Variants in SV2C observed in about 807,000 individuals in gnomAD.
The protein encoded by SV2C is solute carrier family 22 member B3.
Under a neutral mutation model 79.7 loss-of-function variants are expected in SV2C, and 49 were observed. The observed-to-expected ratio is 0.61, with a 90% CI of 0.49 to 0.78. SV2C has a LOEUF of 0.78. Ranked by LOEUF, SV2C falls within the 30% of genes least tolerant of loss-of-function variation. The probability of loss-of-function intolerance (pLI) is 0.00; values close to 1 mark genes in which losing one functional copy is unlikely to be tolerated. For missense variants in SV2C, 833 were observed against 912.9 expected (o/e 0.91, Z 1.13); for synonymous variants, 334 against 333.2 (o/e 1.00, Z -0.03).
chr5:75,984,883 T>A, the SV2C span, among the ~76,000 whole-genome samples: 4 of 152,040 alleles, frequency 2.6e-5, no homozygotes, highest in African/African-American at 9.7e-5. Context: ...CCTAAAATAA[T>A]CTCCTTTGCT....
chr5:76,131,813 G>C lies in SV2C; in HGVS notation c.63G>C (p.Glu21Asp), dbSNP rs202024052. 6.2e-7 allele frequency: 1 copy of C among 1,614,012 alleles called. No homozygotes were observed. The highest frequency in any genetic ancestry group is 8.5e-7 in the Non-Finnish European group (1 of 1,180,002). ...LMKGAKDIAR[E>D]VKKQTVKKVN... The stretch of plus-strand genomic sequence containing the variant: ...AGGGTGCCAAGGACATTGCCAGAGA[G>C]GTGAAGAAACAAACAGTAAAGAAGG... The change falls in exon 2 of 13, where the codon GAG (glutamate) becomes GAC (aspartate). Residue 21 changes from glutamate to aspartate, a missense_variant. Glu to Asp is a conservative substitution (Grantham distance 45, BLOSUM62 2). Transcript: ENST00000502798.
intron 2 of SV2C, among the ~76,000 whole-genome samples, chr5:76,141,660 C>G (rs1482457501): frequency 6.6e-6 from 1 of 151,588 alleles, no homozygotes. Context: ...CCCATCTCTA[C>G]TAAAAATACA....
At chr5:75,965,418 G>A in the SV2C span, among the ~76,000 whole-genome samples, 1 of 152,194 alleles carries the variant, frequency 6.6e-6, no homozygotes, top group African/African-American at 2.4e-5. Context: ...GCGAGTCATT[G>A]TGAATAAGAT....
intron 12 of SV2C, among the ~76,000 whole-genome samples, chr5:76,347,540 G>T (rs1002857494): frequency 2.6e-5 from 4 of 152,122 alleles, no homozygotes; most frequent in Admixed American, 1.3e-4. Context: ...CACTTCCCAG[G>T]TTCAAGCAAT....
chr5:75,878,020 T>C, the SV2C span, among the ~76,000 whole-genome samples: 1 of 152,050 alleles, frequency 6.6e-6, no homozygotes, highest in Non-Finnish European at 1.5e-5. Flanking sequence ...AACACATCTG[T>C]AAATATAACA....
At chr5:76,277,257 C>G (rs1340502776) in intron 4 of SV2C, among the ~76,000 whole-genome samples, 1 of 152,094 alleles carries the variant, frequency 6.6e-6, no homozygotes, top group Non-Finnish European at 1.5e-5. Context: ...ACATATTTAC[C>G]CAAGGAAATT....
chr5:75,997,887 C>A, the SV2C span, among the ~76,000 whole-genome samples: 2 of 152,072 alleles, frequency 1.3e-5, no homozygotes, highest in African/African-American at 4.8e-5. Flanking sequence ...AAGGCACATA[C>A]ACACGTATGT....
intron 5 of SV2C, 69 bp downstream of exon 5, chr5:76,285,364 G>A (rs907564409): frequency 1.3e-6 from 2 of 1,587,066 alleles, no homozygotes; most frequent in Admixed American, 3.5e-5. Flanking sequence ...TTAATTCTAG[G>A]AAAGCACATT....
At chr5:75,879,699 T>C in the SV2C span, among the ~76,000 whole-genome samples, 1 of 152,156 alleles carries the variant, frequency 6.6e-6, no homozygotes, top group Non-Finnish European at 1.5e-5. Context: ...AGTGGATCTA[T>C]CATTCTAGGT....
intron 12 of SV2C, among the ~76,000 whole-genome samples, chr5:76,346,948 C>CT (rs1210000940): frequency 6.6e-6 from 1 of 152,144 alleles, no homozygotes; most frequent in Non-Finnish European, 1.5e-5. Context: ...CACCGTGCAT[C>CT]TTTCTTAAAT....
At chr5:76,167,576 CTT>C (rs1490671216) in intron 2 of SV2C, among the ~76,000 whole-genome samples, 1 of 152,186 alleles carries the variant, frequency 6.6e-6, no homozygotes, top group African/African-American at 2.4e-5. Context: ...GTTCTAAGCA[CTT>C]TATAAGAGTT....
chr5:76,245,911 A>AGTGTGTGTGT (rs58481475), intron 4 of SV2C, among the ~76,000 whole-genome samples: 2 of 145,294 alleles, frequency 1.4e-5, no homozygotes, highest in African/African-American at 2.7e-5. Flanking sequence ...GAGGCAGGGG[A>AGTGTGTGTGT]GTGTGTGTGT....
At chr5:76,171,670 G>GC (rs1316966460) in intron 2 of SV2C, among the ~76,000 whole-genome samples, 9 of 128,486 alleles carry the variant, frequency 7.0e-5, no homozygotes, top group Admixed American at 1.6e-4. Flanking sequence ...TGGGGGGTCA[G>GC]CCCCCCCGCC....
chr5:76,299,620 G>A (rs140323510), intron 10 of SV2C, among the ~76,000 whole-genome samples: 27 of 152,318 alleles, frequency 1.8e-4, no homozygotes, highest in Middle Eastern at 3.4e-3. Flanking sequence ...GCATAACAGC[G>A]TGGCATTGGC....
At chr5:76,062,592 T>A in the SV2C span, among the ~76,000 whole-genome samples, 3 of 151,674 alleles carry the variant, frequency 2.0e-5, no homozygotes, top group Non-Finnish European at 1.5e-5. Flanking sequence ...GATGTTTACA[T>A]GAACTTCGAT....
At chr5:75,952,281 T>TCCTG in the SV2C span, among the ~76,000 whole-genome samples, 1 of 137,852 alleles carries the variant, frequency 7.3e-6, no homozygotes, top group Non-Finnish European at 1.7e-5. Flanking sequence ...CTTCCTTCCT[T>TCCTG]CCTTCCTTTC....
the SV2C span, among the ~76,000 whole-genome samples, chr5:75,953,890 A>G: frequency 6.6e-6 from 1 of 151,834 alleles, no homozygotes; most frequent in African/African-American, 2.4e-5. Context: ...CTCCTATACC[A>G]GTGTTTCCTG....
chr5:76,313,396 A>C (rs1370031616), intron 12 of SV2C, among the ~76,000 whole-genome samples: 2 of 152,110 alleles, frequency 1.3e-5, no homozygotes, highest in Non-Finnish European at 2.9e-5. Flanking sequence ...CAAAAGTCAG[A>C]TTCATTTTGT....
At chr5:75,948,665 G>T in the SV2C span, among the ~76,000 whole-genome samples, 2 of 151,998 alleles carry the variant, frequency 1.3e-5, no homozygotes, top group African/African-American at 4.8e-5. Context: ...AAATGGGGAA[G>T]TGAGCCATGC....
Sources: allele counts gnomAD v4.1 joint callset (sites outside exome capture counted in the v4.1 genomes callset), GRCh38; gene constraint gnomAD v4.1.1; transcripts MANE v1.5; gene names NCBI Gene and HGNC (gene_info 2026-07-23, HGNC 2026-07-21).